The following APLP2 variants were observed in gnomAD, a reference collection of about 807,000 sequenced individuals.
APLP2 encodes the protein amyloid beta precursor like protein 2.
A neutral mutation model predicts 89.9 loss-of-function variants in APLP2; 53 were observed. That is an observed-to-expected ratio of 0.59 (90% CI 0.47 to 0.74). The LOEUF (loss-of-function observed/expected upper bound fraction) is 0.74. Among genes scored for constraint, APLP2 ranks in the 30% least tolerant of loss-of-function variants. The pLI is 0.00. For missense variants in APLP2, 973 were observed against 975.9 expected (o/e 1.00, Z 0.04); for synonymous variants, 372 against 348.6 (o/e 1.07, Z -0.75).
At chr11:130,090,866 G>A (rs1233021562) in intron 1 of APLP2, among the ~76,000 whole-genome samples, 13 of 150,084 alleles carry the variant, frequency 8.7e-5, no homozygotes, top group African/African-American at 2.7e-4. Flanking sequence ...CTCACCTCCC[G>A]GACGGGGCGG....
rs2136181789 is a variant in APLP2, at chr11:130,143,739, T to G, written c.*291T>G. 1 of 325,738 alleles carries G rather than the reference T, an allele frequency of 3.1e-6. No individual in the cohort carries two copies. 20.2% of individuals were successfully genotyped at this position (325,738 alleles called of 1,614,324 possible). A position where few individuals can be genotyped will look rare whatever the true frequency, so the allele number is the denominator to read the frequency against. ...TTTTAAATTAATCAGAAACCCCACT[T>G]CCATTGTATTGTCTGACACATGCTC... On this transcript the variant is annotated 3_prime_UTR_variant, in exon 17 of 17. Coordinates refer to ENST00000338167, the MANE Select transcript of APLP2 (RefSeq NM_001142276.2).
intron 16 of APLP2, 123 bp from the exon 17 acceptor site, chr11:130,143,224 G>C: frequency 1.2e-6 from 1 of 836,926 alleles, no homozygotes; most frequent in Middle Eastern, 3.1e-4. Flanking sequence ...CTGTCCGGTG[G>C]GAACGGGCTG....
intron 13 of APLP2, chr11:130,139,231 C>G (rs948243187): frequency 6.6e-6 from 1 of 152,194 alleles, no homozygotes; most frequent in Admixed American, 6.5e-5. Flanking sequence ...CCTGCATGTT[C>G]AGCAGCTGTG....
At chr11:130,120,923 C>T (rs1949738340) in intron 4 of APLP2, 105 bp downstream of exon 4, 1 of 781,030 alleles carries the variant, frequency 1.3e-6, no homozygotes, top group East Asian at 2.6e-5. Flanking sequence ...ATGTTTCCCC[C>T]ATTATCTCCT....
At chr11:130,139,628 G>GTC (rs1472937868) in intron 13 of APLP2, 1 of 152,256 alleles carries the variant, frequency 6.6e-6, no homozygotes, top group African/African-American at 2.4e-5. Flanking sequence ...ACACTCGAGT[G>GTC]ATGTTGCTCA....
rs1453874448 is a variant in APLP2 at position 130,143,459 on chromosome 11, G to T, written c.*11G>T. On this transcript the variant is annotated 3_prime_UTR_variant, in exon 17 of 17. Transcript: ENST00000338167. ...CAGATGCAGATTTAGGTGGCAGGGAGCGCGGCAGCCCTGGCGGAGGGATGC... is the reference window on the plus strand; with the variant it reads ...CAGATGCAGATTTAGGTGGCAGGGATCGCGGCAGCCCTGGCGGAGGGATGC... 6.2e-7 allele frequency: 1 copy of T among 1,608,884 alleles called. No homozygotes were observed. Among genetic ancestry groups the T allele is most frequent in the South Asian group, 1.1e-5 (1 of 90,990 alleles).
chr11:130,127,801 T>G lies in APLP2; in HGVS notation c.1257T>G (p.Ala419=). 2 of 1,614,158 alleles carry G rather than the reference T, an allele frequency of 1.2e-6. No homozygotes were observed. The highest frequency in any genetic ancestry group is 1.7e-6 in the Non-Finnish European group (2 of 1,180,014). The change falls in exon 9 of 17, where the codon GCT becomes GCG. Residue 419 remains alanine, a synonymous_variant. Transcript: ENST00000338167. Reference sequence around the variant, plus strand: ...AATGGGAAGAGGCAGAGCTTCAAGCTAAGAACCTCCCCAAAGCAGAGAGGC... The same window carrying G: ...AATGGGAAGAGGCAGAGCTTCAAGCGAAGAACCTCCCCAAAGCAGAGAGGC... The part of the protein sequence containing the change: ...KKEWEEAELQ[A]KNLPKAERQT...
intron 1 of APLP2, among the ~76,000 whole-genome samples, chr11:130,091,516 G>A (rs1439252059): frequency 9.0e-5 from 12 of 132,712 alleles, no homozygotes; most frequent in African/African-American, 3.4e-4. Flanking sequence ...CCTCCCTCCC[G>A]GACAGGGCGG....
At chr11:130,128,094 C>T (rs1200221251) in intron 9 of APLP2, among the ~76,000 whole-genome samples, 1 of 152,244 alleles carries the variant, frequency 6.6e-6, no homozygotes, top group African/African-American at 2.4e-5. Flanking sequence ...TTCGTTAATT[C>T]TGCTTTCCTG....
chr11:130,107,828 C>T (rs1457657033), intron 1 of APLP2, among the ~76,000 whole-genome samples: 3 of 152,306 alleles, frequency 2.0e-5, no homozygotes, highest in African/African-American at 7.2e-5. Context: ...TTCAATGCTA[C>T]AGTAAGCAAA....
At chr11:130,082,447 G>A (rs571574608) in intron 1 of APLP2, 1 of 152,978 alleles carries the variant, frequency 6.5e-6, no homozygotes, top group Admixed American at 6.5e-5. Flanking sequence ...GCCTCCCAAA[G>A]TGCTGGGATT....
At chr11:130,126,366 A>G (rs970103294) in intron 7 of APLP2, among the ~76,000 whole-genome samples, 1 of 152,158 alleles carries the variant, frequency 6.6e-6, no homozygotes, top group African/African-American at 2.4e-5. Context: ...TAAGGTAGCT[A>G]TTGTTTAGGT....
Position 130,130,104 on chromosome 11 carries a change from A to C in APLP2, c.1522A>C (p.Ile508Leu), listed in dbSNP as rs1268640809. 1 of 1,614,236 alleles carries C rather than the reference A, an allele frequency of 6.2e-7. No homozygotes were observed. ...TGAGAACAAAGATCGCTTACATACC[A>C]TCCGTCATTACCAGCATGTGTTGGC... is the stretch of plus-strand genomic sequence containing the variant. The part of the protein sequence containing the change: ...RAENKDRLHT[I>L]RHYQHVLAVD... The change falls in exon 11 of 17, where the codon ATC becomes CTC. Residue 508 changes from isoleucine (I) to leucine (L), a missense_variant. Coordinates refer to ENST00000338167, the MANE Select transcript of APLP2 (RefSeq NM_001142276.2).
At chr11:130,118,307 A>G (rs1418808418) in intron 3 of APLP2, among the ~76,000 whole-genome samples, 2 of 152,352 alleles carry the variant, frequency 1.3e-5, no homozygotes, top group South Asian at 2.1e-4. Flanking sequence ...AGTGCCTACC[A>G]GGTGTCAGTT....
chr11:130,099,960 G>T (rs1174804889), intron 1 of APLP2, among the ~76,000 whole-genome samples: 1 of 152,118 alleles, frequency 6.6e-6, no homozygotes. Context: ...CTGAGCCGTC[G>T]GTATGTTAAT....
At chr11:130,114,018 A>G (rs1007327863) in intron 3 of APLP2, among the ~76,000 whole-genome samples, 2 of 152,224 alleles carry the variant, frequency 1.3e-5, no homozygotes, top group African/African-American at 4.8e-5. Flanking sequence ...TTATGCCTTA[A>G]TACTACAGTG....
At chr11:130,079,746 T>C (rs182706170) in intron 1 of APLP2, among the ~76,000 whole-genome samples, 1 of 152,356 alleles carries the variant, frequency 6.6e-6, no homozygotes, top group East Asian at 1.9e-4. Flanking sequence ...TTTTCTTGCT[T>C]TGCTGCCCCA....
chr11:130,084,270 C>T (rs1222685233), intron 1 of APLP2, among the ~76,000 whole-genome samples: 2 of 151,368 alleles, frequency 1.3e-5, no homozygotes, highest in African/African-American at 2.4e-5. Context: ...GCTTTTTCTG[C>T]ATCTTTTGAG....
In APLP2 at chr11:130,123,868, G is replaced by A. The variant is rs1002151768; in HGVS notation, c.1090+89G>A. On this transcript the variant is annotated intron_variant, in intron 7 of 16. Coordinates refer to ENST00000338167, the MANE Select transcript of APLP2 (RefSeq NM_001142276.2). This position sits in a 1 kb window ranked among gnomAD's most constrained non-coding sequence, Gnocchi z 4.0. ...CCGTCTTCGTGGCTGCATCTGTGTG[G>A]TGTCCCTGCCCACTCGGGTGTTTGC... 6.9e-6 allele frequency: 10 copies of A among 1,447,496 alleles called. No individual in the cohort carries two copies. The highest frequency in any genetic ancestry group is 9.5e-6 in the Non-Finnish European group (10 of 1,050,244). The allele number at this position is 1,447,496 out of a possible 1,614,324, so 89.7% of individuals were successfully genotyped here. A position where few individuals can be genotyped will look rare whatever the true frequency, so the allele number is the denominator to read the frequency against.
Sources: gnomAD v4.1 joint callset for allele counts (sites outside exome capture counted in the v4.1 genomes callset) on GRCh38, gnomAD v4.1.1 for gene constraint, Gnocchi (gnomAD v3.1) non-coding constraint, MANE v1.5 for transcripts, NCBI Gene and HGNC (gene_info 2026-07-23, HGNC 2026-07-21) for gene names.